EBPL: variants seen among roughly 807,000 people sequenced by gnomAD.
EBPL encodes the protein emopamil-binding protein-like.
A neutral mutation model predicts 19.0 loss-of-function variants in EBPL; 20 were observed. That is an observed-to-expected ratio of 1.05 (90% CI 0.74 to 1.53). The LOEUF is 1.53. Ranked by LOEUF, EBPL falls within the 40% of genes most tolerant of loss-of-function variation. EBPL has a pLI of 0.00. For missense variants in EBPL, 219 were observed against 261.1 expected (o/e 0.84, Z 1.11); for synonymous variants, 107 against 117.0 (o/e 0.91, Z 0.55).
intron 1 of EBPL, among the ~76,000 whole-genome samples, chr13:49,672,956 A>G (rs995902552): frequency 6.6e-6 from 1 of 152,140 alleles, no homozygotes; most frequent in African/African-American, 2.4e-5. Context: ...GCTACTTAGG[A>G]GGCTGAGGCA....
chr13:49,678,360 C>T (rs1359632662), intron 1 of EBPL, among the ~76,000 whole-genome samples: 5 of 152,238 alleles, frequency 3.3e-5, no homozygotes, highest in Admixed American at 1.3e-4. Context: ...GGCGGTCAAT[C>T]GGACAGGTCG....
At chr13:49,678,681 G>C (rs971405637) in intron 1 of EBPL, among the ~76,000 whole-genome samples, 2 of 151,958 alleles carry the variant, frequency 1.3e-5, no homozygotes, top group Admixed American at 6.5e-5. Flanking sequence ...CTCTCCACAA[G>C]CAAAGGGAGC....
chr13:49,681,802 A>T (rs1953946036), intron 1 of EBPL, among the ~76,000 whole-genome samples: 1 of 152,236 alleles, frequency 6.6e-6, no homozygotes, highest in South Asian at 2.1e-4. Flanking sequence ...ACTGAGGCTG[A>T]GTTTATATTT....
chr13:49,672,339 G>A (rs540261894), intron 1 of EBPL, among the ~76,000 whole-genome samples: 2 of 152,260 alleles, frequency 1.3e-5, no homozygotes, highest in African/African-American at 4.8e-5. Flanking sequence ...GAATATTCAT[G>A]CCTTCAAATG....
intron 2 of EBPL, among the ~76,000 whole-genome samples, chr13:49,669,341 C>T (rs9591290): frequency 0.16 from 24,159 of 152,120 alleles, 2,780 homozygotes; most frequent in East Asian, 0.65. Flanking sequence ...GCTGGGACTA[C>T]AGGTGTGCAC....
At chr13:49,676,439 A>G (rs1323939396) in intron 1 of EBPL, among the ~76,000 whole-genome samples, 4 of 152,024 alleles carry the variant, frequency 2.6e-5, no homozygotes, top group Non-Finnish European at 4.4e-5. Context: ...AAAATACAAA[A>G]AAATTAGCCG....
chr13:49,666,219 C>T (rs1238152228), intron 2 of EBPL, among the ~76,000 whole-genome samples: 1 of 152,176 alleles, frequency 6.6e-6, no homozygotes, highest in Non-Finnish European at 1.5e-5. Flanking sequence ...TGGATAATTC[C>T]ACAGGCAGAC....
At chr13:49,681,236 A>C (rs1953939614) in intron 1 of EBPL, among the ~76,000 whole-genome samples, 1 of 152,238 alleles carries the variant, frequency 6.6e-6, no homozygotes, top group African/African-American at 2.4e-5. Flanking sequence ...ATTAAAATGT[A>C]TTATAGCAAA....
In EBPL at chr13:49,691,458, A is replaced by T; in HGVS notation, c.-34T>A. On this transcript the variant is annotated 5_prime_UTR_variant, in exon 1 of 4. The change abolishes an upstream ATG in the 5' untranslated region. Transcript: ENST00000242827. Reference sequence around the variant, plus strand: ...CTTCCGACGCCAACGGCCCAGGACCATGCGGCAGAGGAAAGCAGGGAGAGA... The same window carrying T: ...CTTCCGACGCCAACGGCCCAGGACCTTGCGGCAGAGGAAAGCAGGGAGAGA... The T allele has an allele frequency of 2.3e-6, 3 of 1,299,148 alleles. No individual in the cohort carries two copies. Among genetic ancestry groups the T allele is most frequent in the South Asian group, 3.0e-5 (1 of 33,738 alleles). 80.5% of individuals were successfully genotyped at this position (1,299,148 alleles called of 1,614,324 possible).
intron 1 of EBPL, among the ~76,000 whole-genome samples, chr13:49,683,787 A>C (rs1307753485): frequency 1.3e-5 from 2 of 152,186 alleles, no homozygotes; most frequent in East Asian, 3.9e-4. Flanking sequence ...CCGCCGTGGA[A>C]AGCAGGATGG....
intron 1 of EBPL, among the ~76,000 whole-genome samples, chr13:49,690,219 C>T (rs935843493): frequency 1.5e-5 from 2 of 135,062 alleles, no homozygotes; most frequent in African/African-American, 5.4e-5. Flanking sequence ...TTGAGAGAAA[C>T]ATTCACTGTC....
chr13:49,681,525 A>T (rs1018951671), intron 1 of EBPL, among the ~76,000 whole-genome samples: 2 of 152,196 alleles, frequency 1.3e-5, no homozygotes, highest in Admixed American at 6.5e-5. Flanking sequence ...TCCTGACCTC[A>T]GGTGATCTGC....
rs759734216 is a variant in EBPL, at chr13:49,691,357, G to A, written c.68C>T (p.Ala23Val). 1.5e-6 allele frequency: 2 copies of A among 1,356,612 alleles called. No homozygotes were observed. The highest frequency in any genetic ancestry group is 1.9e-6 in the Non-Finnish European group (2 of 1,051,274). The allele number at this position is 1,356,612 out of a possible 1,614,324, so 84.0% of individuals were successfully genotyped here. The change falls in exon 1 of 4, where the codon GCG (alanine) becomes GTG (valine). Residue 23 changes from alanine to valine, a missense_variant. Physicochemically the swap from Ala to Val is moderately conservative, Grantham distance 64. This residue lies in a region of EBPL where 170 missense variants were observed against 167.0 expected (regional missense o/e 1.02). Transcript: ENST00000242827. Reference protein sequence around the residue: ...GSLLLCAALLAAGCALGLRLG... With the variant: ...GSLLLCAALLVAGCALGLRLG... ...GCGCAGGCCCAGGGCGCAGCCCGCC[G>A]CCAGCAGCGCGGCGCACAGCAGCAG...
At chr13:49,673,621 G>A (rs1489693958) in intron 1 of EBPL, among the ~76,000 whole-genome samples, 1 of 152,084 alleles carries the variant, frequency 6.6e-6, no homozygotes, top group Non-Finnish European at 1.5e-5. Flanking sequence ...ATTTTTAGTA[G>A]AGATGGGGTT....
rs543073095 is a variant in EBPL at position 49,686,283 on chromosome 13, G to C, written c.171+4971C>G. ...ACCTTCATCTTCAAAAGAACCAAGA[G>C]CCCCCAGCCTGCCCTGAGGTGCCTC... is the stretch of plus-strand genomic sequence containing the variant. On this transcript the variant is annotated intron_variant, in intron 1 of 3. Transcript: ENST00000242827. 3.9e-5 allele frequency among the ~76,000 whole-genome samples: 6 copies of C among 152,182 alleles called. No homozygotes were observed. In the South Asian group the frequency reaches 1.2e-3, roughly 32 times the overall value.
chr13:49,671,921 T>C (rs569025464), intron 1 of EBPL, among the ~76,000 whole-genome samples: 2 of 152,196 alleles, frequency 1.3e-5, no homozygotes, highest in African/African-American at 4.8e-5. Context: ...CTATAACAAA[T>C]CCGTTTCCTT....
intron 1 of EBPL, among the ~76,000 whole-genome samples, chr13:49,680,346 C>T (rs1465471033): frequency 6.6e-6 from 1 of 152,136 alleles, no homozygotes; most frequent in Non-Finnish European, 1.5e-5. Context: ...CGTAAAGTGA[C>T]ATGAGGTCCA....
intron 1 of EBPL, among the ~76,000 whole-genome samples, chr13:49,670,114 G>A (rs1953795512): frequency 6.6e-6 from 1 of 152,196 alleles, no homozygotes; most frequent in Admixed American, 6.5e-5. Flanking sequence ...GTGTTCTTAT[G>A]TGGAAAAAGT....
At chr13:49,687,979 C>T (rs1197522152) in intron 1 of EBPL, among the ~76,000 whole-genome samples, 1 of 152,218 alleles carries the variant, frequency 6.6e-6, no homozygotes, top group Non-Finnish European at 1.5e-5. Context: ...ACCTTTCCAG[C>T]TGGTCCTCCC....
Sources: allele counts gnomAD v4.1 joint callset (sites outside exome capture counted in the v4.1 genomes callset), GRCh38; gene constraint gnomAD v4.1.1; regional missense constraint gnomAD v4.1.1; transcripts MANE v1.5; gene names NCBI Gene and HGNC (gene_info 2026-07-23, HGNC 2026-07-21).